The following TENM1 variants were observed in gnomAD, a reference collection of about 807,000 sequenced individuals.
TENM1 encodes the protein teneurin transmembrane protein 1.
Under a neutral mutation model 174.8 loss-of-function variants are expected in TENM1, and 35 were observed. That is an observed-to-expected ratio of 0.20 (90% CI 0.15 to 0.27). The LOEUF is 0.27. Among genes scored for constraint, TENM1 ranks in the 10% least tolerant of loss-of-function variants. TENM1 has a pLI of 1.00. For synonymous variants in TENM1, 781 were observed against 798.7 expected (o/e 0.98, Z 0.37); for missense variants, 1,633 against 2,130.1 (o/e 0.77, Z 4.59).
chrX:125,038,710 A>G, the TENM1 span, among the ~76,000 whole-genome samples: 1 of 111,192 alleles, frequency 9.0e-6, no homozygotes, highest in Non-Finnish European at 1.9e-5. Flanking sequence ...GTCATTTTTC[A>G]ATTTATTTTT....
At chrX:125,128,213 A>C in the TENM1 span, among the ~76,000 whole-genome samples, 15 of 111,684 alleles carry the variant, frequency 1.3e-4, no homozygotes, top group Non-Finnish European at 2.5e-4. Flanking sequence ...CAAACATTTC[A>C]AACATTCACT....
the TENM1 span, among the ~76,000 whole-genome samples, chrX:125,021,449 T>G: frequency 9.0e-6 from 1 of 111,526 alleles, no homozygotes; most frequent in African/African-American, 3.3e-5. Context: ...CACAAGCAAA[T>G]AGCTCAGAAA....
intron 3 of TENM1, among the ~76,000 whole-genome samples, chrX:124,781,559 A>T (rs2054912830): frequency 9.0e-6 from 1 of 111,204 alleles, no homozygotes; most frequent in African/African-American, 3.3e-5. Context: ...GTAAGCAATC[A>T]TTTTTTTTGG....
chrX:125,048,709 A>G, the TENM1 span, among the ~76,000 whole-genome samples: 1 of 111,015 alleles, frequency 9.0e-6, no homozygotes, highest in Non-Finnish European at 1.9e-5. Flanking sequence ...CATACTAAAA[A>G]CTATTAAATG....
At chrX:124,431,861 TG>T (rs1171129264) in intron 23 of TENM1, among the ~76,000 whole-genome samples, 2 of 112,298 alleles carry the variant, frequency 1.8e-5, no homozygotes, top group Non-Finnish European at 1.9e-5. Context: ...TCTCAACCTT[TG>T]GTCAAATGCA....
At chrX:124,581,284 C>T (rs1288801685) in intron 11 of TENM1, among the ~76,000 whole-genome samples, 1 of 110,395 alleles carries the variant, frequency 9.1e-6, no homozygotes, top group African/African-American at 3.3e-5. Flanking sequence ...GTAGGATGGT[C>T]TCCATCTCCT....
chrX:125,046,854 ATGCGTGTG>A, the TENM1 span, among the ~76,000 whole-genome samples: 1 of 87,280 alleles, frequency 1.1e-5, no homozygotes, highest in South Asian at 5.0e-4. Flanking sequence ...GTGTGTGTGC[ATGCGTGTG>A]TGTGTGTGTG....
intron 23 of TENM1, among the ~76,000 whole-genome samples, chrX:124,436,352 C>A (rs1004145324): frequency 1.8e-5 from 2 of 111,325 alleles, no homozygotes; most frequent in African/African-American, 6.5e-5. Context: ...TTCCTGCTTG[C>A]TTTCTGTTCC....
the TENM1 span, among the ~76,000 whole-genome samples, chrX:124,973,289 C>T: frequency 8.9e-6 from 1 of 111,804 alleles, no homozygotes; most frequent in Non-Finnish European, 1.9e-5. Flanking sequence ...CAGTACCATG[C>T]TGTTTTGGAT....
At chrX:124,465,807 A>C (rs1372434272) in intron 22 of TENM1, among the ~76,000 whole-genome samples, 1 of 110,416 alleles carries the variant, frequency 9.1e-6, no homozygotes, top group African/African-American at 3.3e-5. Context: ...TCTGTATTTT[A>C]GTCTTTTCTA....
the TENM1 span, among the ~76,000 whole-genome samples, chrX:125,102,231 C>CTT: frequency 2.1e-5 from 2 of 94,819 alleles, no homozygotes; most frequent in Admixed American, 1.2e-4. Context: ...AGGGCCACTC[C>CTT]TTTTTTTTTT....
At chrX:124,700,705 TA>T (rs972951498) in intron 5 of TENM1, among the ~76,000 whole-genome samples, 3 of 111,300 alleles carry the variant, frequency 2.7e-5, no homozygotes, top group East Asian at 5.6e-4. Context: ...TCCTCTCTGT[TA>T]AAAAAAATCT....
chrX:124,704,566 G>A (rs2052851446), intron 5 of TENM1, among the ~76,000 whole-genome samples: 1 of 111,827 alleles, frequency 8.9e-6, no homozygotes, highest in Admixed American at 9.5e-5. Flanking sequence ...GTAAAAATCT[G>A]AATTCTTGGG....
the TENM1 span, among the ~76,000 whole-genome samples, chrX:125,124,457 C>G: frequency 9.0e-6 from 1 of 111,463 alleles, no homozygotes; most frequent in Non-Finnish European, 1.9e-5. Context: ...CTGACTTTTC[C>G]ACTGTTTAAA....
At chrX:125,022,918 CA>C in the TENM1 span, among the ~76,000 whole-genome samples, 28 of 111,476 alleles carry the variant, frequency 2.5e-4, no homozygotes, top group South Asian at 2.2e-3. Flanking sequence ...AAATTTATTA[CA>C]AATCACATAT....
At chrX:124,403,393 A>G (rs2060422341) in intron 27 of TENM1, among the ~76,000 whole-genome samples, 1 of 108,765 alleles carries the variant, frequency 9.2e-6, no homozygotes, top group South Asian at 4.1e-4. Flanking sequence ...GGTGGCGGGC[A>G]CCTGTAGTCC....
At chrX:124,430,684 G>T (rs1040448613) in intron 23 of TENM1, among the ~76,000 whole-genome samples, 1 of 111,508 alleles carries the variant, frequency 9.0e-6, no homozygotes, top group African/African-American at 3.3e-5. Context: ...ATGCTTTCAA[G>T]GTTTCTCTTG....
chrX:124,636,159 C>T (rs2050875012), intron 11 of TENM1, among the ~76,000 whole-genome samples: 1 of 111,735 alleles, frequency 8.9e-6, no homozygotes, highest in Admixed American at 9.5e-5. Context: ...AAGAGCATAT[C>T]CACCTTGGAA....
At chrX:125,088,743 T>C in the TENM1 span, among the ~76,000 whole-genome samples, 1 of 110,649 alleles carries the variant, frequency 9.0e-6, no homozygotes, top group Non-Finnish European at 1.9e-5. Context: ...CAATGTGAGA[T>C]ACAATGTACG....
Sources: gnomAD v4.1 joint callset for allele counts (sites outside exome capture counted in the v4.1 genomes callset) on GRCh38, gnomAD v4.1.1 for gene constraint, MANE v1.5 for transcripts, NCBI Gene and HGNC (gene_info 2026-07-23, HGNC 2026-07-21) for gene names.